The following GALNT13 variants were observed in gnomAD, a reference collection of about 807,000 sequenced individuals.
GALNT13 encodes the protein polypeptide N-acetylgalactosaminyltransferase 13.
A neutral mutation model predicts 64.2 loss-of-function variants in GALNT13; 28 were observed. That is an observed-to-expected ratio of 0.44 (90% CI 0.32 to 0.60). The LOEUF (loss-of-function observed/expected upper bound fraction) is 0.60, where lower values mean the gene tolerates loss of function less well. GALNT13 is among the 20% of genes least tolerant of loss of function. The probability of loss-of-function intolerance (pLI) is 0.05; values close to 1 mark genes in which losing one functional copy is unlikely to be tolerated. For synonymous variants in GALNT13, 214 were observed against 224.6 expected, an observed-to-expected ratio of 0.95 and a Z score of 0.42; for missense variants, 577 against 669.8, an observed-to-expected ratio of 0.86 and a Z score of 1.53.
chr2:153,162,247 C>G, the GALNT13 span, among the ~76,000 whole-genome samples: 1 of 152,130 alleles, frequency 6.6e-6, no homozygotes, highest in Non-Finnish European at 1.5e-5. Flanking sequence ...TATTTTTTTA[C>G]TTGTTTGACC....
intron 4 of GALNT13, among the ~76,000 whole-genome samples, chr2:154,211,593 A>G (rs1687766481): frequency 7.8e-6 from 1 of 128,792 alleles, no homozygotes; most frequent in African/African-American, 3.0e-5. Flanking sequence ...GCACCATTGC[A>G]CTCCAGCCTG....
chr2:153,205,692 T>C, the GALNT13 span, among the ~76,000 whole-genome samples: 1 of 152,090 alleles, frequency 6.6e-6, no homozygotes, highest in East Asian at 1.9e-4. Context: ...TTTTGCACAC[T>C]AGGAGCTGCT....
chr2:153,320,313 C>T, the GALNT13 span, among the ~76,000 whole-genome samples: 1 of 152,166 alleles, frequency 6.6e-6, no homozygotes, highest in Non-Finnish European at 1.5e-5. Flanking sequence ...CAATTATCCA[C>T]CTATTCACCC....
At chr2:153,225,211 A>T in the GALNT13 span, among the ~76,000 whole-genome samples, 3 of 152,238 alleles carry the variant, frequency 2.0e-5, no homozygotes. Flanking sequence ...ATATCAATAA[A>T]TTAAAGAAGA....
chr2:153,172,374 G>A, the GALNT13 span, among the ~76,000 whole-genome samples: 1 of 152,132 alleles, frequency 6.6e-6, no homozygotes, highest in Non-Finnish European at 1.5e-5. Flanking sequence ...TTAGCTGGGA[G>A]TTAGGGTGGG....
chr2:153,868,595 C>G (rs977850590), upstream of GALNT13, among the ~76,000 whole-genome samples: 5 of 152,198 alleles, frequency 3.3e-5, no homozygotes, highest in African/African-American at 1.2e-4. Context: ...TTAATTTCAG[C>G]AAGACATAAC....
chr2:153,419,032 A>G, the GALNT13 span, among the ~76,000 whole-genome samples: 5 of 152,268 alleles, frequency 3.3e-5, no homozygotes, highest in Non-Finnish European at 7.3e-5. Context: ...TCATACAATG[A>G]CTTGGATGGT....
the GALNT13 span, among the ~76,000 whole-genome samples, chr2:153,315,658 A>T: frequency 6.6e-6 from 1 of 152,246 alleles, no homozygotes; most frequent in Admixed American, 6.5e-5. Flanking sequence ...ATCAAAGTCT[A>T]GAGAACATGA....
the GALNT13 span, among the ~76,000 whole-genome samples, chr2:153,463,411 A>G: frequency 5.3e-5 from 8 of 152,000 alleles, no homozygotes; most frequent in Non-Finnish European, 1.2e-4. Context: ...GTTGCCTAGG[A>G]TCTAATTAGA....
chr2:153,423,806 T>C, the GALNT13 span, among the ~76,000 whole-genome samples: 1 of 151,624 alleles, frequency 6.6e-6, no homozygotes, highest in East Asian at 1.9e-4. Context: ...TACTTACACA[T>C]AAGACTTACT....
At chr2:153,597,301 A>C in the GALNT13 span, among the ~76,000 whole-genome samples, 9 of 152,158 alleles carry the variant, frequency 5.9e-5, no homozygotes, top group Non-Finnish European at 1.3e-4. Context: ...CACAGATCAC[A>C]CAAGCATGAA....
rs1333022230 is a variant in GALNT13, at chr2:154,452,363, C to A, written c.*1812C>A. The A allele has an allele frequency of 6.6e-6, 1 of 152,034 alleles. No individual in the cohort carries two copies. The highest frequency in any genetic ancestry group is 2.4e-5 in the African/African-American group (1 of 41,408). 9.4% of individuals were successfully genotyped at this position (152,034 alleles called of 1,614,324 possible). On this transcript the variant is annotated 3_prime_UTR_variant, in exon 13 of 13. Coordinates refer to ENST00000392825, the MANE Select transcript of GALNT13 (RefSeq NM_052917.4). ...CAGCCTCTCAAGTCCATTGAGGCCTCATGTAAAATTCCCATTTTTCATCTT... is the reference window on the plus strand; with the variant it reads ...CAGCCTCTCAAGTCCATTGAGGCCTAATGTAAAATTCCCATTTTTCATCTT...
intron 1 of GALNT13, among the ~76,000 whole-genome samples, chr2:153,895,449 A>G (rs147498897): frequency 4.2e-4 from 64 of 152,164 alleles, no homozygotes; most frequent in African/African-American, 1.4e-3. Context: ...CGTATAAACA[A>G]TTTTTCATTT....
At chr2:154,078,014 G>A (rs934168700) in intron 3 of GALNT13, among the ~76,000 whole-genome samples, 3 of 151,536 alleles carry the variant, frequency 2.0e-5, no homozygotes, top group African/African-American at 7.3e-5. Flanking sequence ...TGTAAACCGT[G>A]TTGTAGAAAA....
At chr2:153,270,487 G>A in the GALNT13 span, among the ~76,000 whole-genome samples, 12 of 152,242 alleles carry the variant, frequency 7.9e-5, no homozygotes, top group Non-Finnish European at 1.3e-4. Flanking sequence ...GTGCCCAGAC[G>A]CGCACCTCCT....
At chr2:154,068,687 C>CAG (rs1483619988) in intron 3 of GALNT13, among the ~76,000 whole-genome samples, 2 of 151,784 alleles carry the variant, frequency 1.3e-5, no homozygotes, top group Non-Finnish European at 2.9e-5. Flanking sequence ...CAATCGAACT[C>CAG]AGAGAGAGAG....
chr2:153,696,019 T>A, the GALNT13 span, among the ~76,000 whole-genome samples: 1 of 152,072 alleles, frequency 6.6e-6, no homozygotes, highest in Admixed American at 6.6e-5. Context: ...GACGTATATA[T>A]AAAGGGGAGT....
the GALNT13 span, among the ~76,000 whole-genome samples, chr2:153,579,331 G>T: frequency 6.6e-6 from 1 of 151,912 alleles, no homozygotes; most frequent in South Asian, 2.1e-4. Flanking sequence ...TATAGGCTTT[G>T]AGGTCTTAGG....
the GALNT13 span, among the ~76,000 whole-genome samples, chr2:153,693,697 A>G: frequency 2.0e-5 from 3 of 152,120 alleles, no homozygotes; most frequent in African/African-American, 7.2e-5. Flanking sequence ...AAGTGGTTAC[A>G]TTCTTGTGAG....
Sources: gnomAD v4.1 joint callset for allele counts (sites outside exome capture counted in the v4.1 genomes callset) on GRCh38, gnomAD v4.1.1 for gene constraint, MANE v1.5 for transcripts, NCBI Gene and HGNC (gene_info 2026-07-23, HGNC 2026-07-21) for gene names.